ZNF2: variants seen among roughly 807,000 people sequenced by gnomAD.
ZNF2 encodes zinc finger protein 2.
ZNF2 carries 12 observed loss-of-function variants against 21.9 expected under a neutral mutation model. The observed-to-expected ratio is 0.55, with a 90% CI of 0.35 to 0.89. The LOEUF is 0.89. ZNF2 is among the 40% of genes least tolerant of loss of function. ZNF2 has a pLI of 0.01. For missense variants in ZNF2, 462 were observed against 544.2 expected (o/e 0.85, Z 1.50); for synonymous variants, 186 against 196.3 (o/e 0.95, Z 0.44).
intron 1 of ZNF2, among the ~76,000 whole-genome samples, chr2:95,170,372 C>A (rs115799061): frequency 0.03 from 4,564 of 152,182 alleles, 95 homozygotes; most frequent in Non-Finnish European, 0.049. Context: ...TAAGTTTTTG[C>A]TTTTCACGTA....
At chr2:95,174,429 C>T (rs1674375338) in intron 1 of ZNF2, among the ~76,000 whole-genome samples, 1 of 152,200 alleles carries the variant, frequency 6.6e-6, no homozygotes. Context: ...CCTCTGCCTA[C>T]CTCTTTTCCC....
Position 95,181,108 on chromosome 2 carries a change from G to A in ZNF2, c.280G>A (p.Glu94Lys). ...EWPESVSLDW[E>K]TKPEIHDASD... Reference sequence around the variant, plus strand: ...CTGTTTTCTGTTTGTTCCAGACTGGGAAACTAAGCCTGAGATTCACGATGC... The same window carrying A: ...CTGTTTTCTGTTTGTTCCAGACTGGAAAACTAAGCCTGAGATTCACGATGC... The change falls in exon 5 of 5, where the codon GAA becomes AAA. Residue 94 changes from glutamate (E) to lysine (K), a missense_variant. Physicochemically the swap from Glu to Lys is moderately conservative, Grantham distance 56 (BLOSUM62 1). Coordinates refer to ENST00000614034, the MANE Select transcript of ZNF2 (RefSeq NM_021088.4). The A allele has an allele frequency of 6.2e-7, 1 of 1,612,544 alleles. No homozygotes were observed. The highest frequency in any genetic ancestry group is 1.1e-5 in the South Asian group (1 of 90,754).
Position 95,181,129 on chromosome 2 carries a change from G to A in ZNF2, c.301G>A (p.Asp101Asn), listed in dbSNP as rs1336313432. ...LDWETKPEIH[D>N]ASDKKSEGSL... is the part of the protein sequence containing the mutation. ...CTGGGAAACTAAGCCTGAGATTCAC[G>A]ATGCTTCAGACAAAAAATCAGAAGG... is the stretch of plus-strand genomic sequence containing the variant. The change falls in exon 5 of 5, where the codon GAT (aspartate) becomes AAT (asparagine). Residue 101 changes from aspartate to asparagine, a missense_variant. Physicochemically the swap from Asp to Asn is conservative, Grantham distance 23. Coordinates refer to ENST00000614034, the MANE Select transcript of ZNF2 (RefSeq NM_021088.4). 9.3e-6 allele frequency: 15 copies of A among 1,613,846 alleles called. No individual in the cohort carries two copies. Among genetic ancestry groups the A allele is most frequent in the East Asian group, 4.5e-5 (2 of 44,882 alleles).
At chr2:95,177,759 G>A in intron 3 of ZNF2, 150 bp downstream of exon 3, 1 of 1,021,524 alleles carries the variant, frequency 9.8e-7, no homozygotes. Context: ...TCAGAGTACA[G>A]CAACGGCGGG....
intron 1 of ZNF2, 88 bp from the exon 2 acceptor site, chr2:95,176,099 CT>C: frequency 1.8e-6 from 2 of 1,140,514 alleles, no homozygotes; most frequent in Non-Finnish European, 2.7e-6. Flanking sequence ...ACATATCCCC[CT>C]GGTATGTGCT....
intron 4 of ZNF2, among the ~76,000 whole-genome samples, chr2:95,180,566 A>G (rs1199889514): frequency 6.6e-6 from 1 of 150,562 alleles, no homozygotes; most frequent in Non-Finnish European, 1.5e-5. Context: ...CTGGAGTGCA[A>G]TGGCGCTATC....
At chr2:95,179,101 C>T (rs1237914734) in intron 3 of ZNF2, among the ~76,000 whole-genome samples, 2 of 151,016 alleles carry the variant, frequency 1.3e-5, no homozygotes, top group Non-Finnish European at 2.9e-5. Flanking sequence ...AAGCAATTCT[C>T]GTGCCTCAGT....
rs1310847685 is a variant in ZNF2, at chr2:95,183,339, A to G, written c.*1233A>G. Reference sequence around the variant, plus strand: ...CACTTCTGTCCACATCTAATAAGCCAGAACCCAGCACCTAGAAGCTAGGAA... The same window carrying G: ...CACTTCTGTCCACATCTAATAAGCCGGAACCCAGCACCTAGAAGCTAGGAA... On this transcript the variant is annotated 3_prime_UTR_variant, in exon 5 of 5. Coordinates refer to ENST00000614034, the MANE Select transcript of ZNF2 (RefSeq NM_021088.4). The G allele has an allele frequency of 2.6e-5, 4 of 152,250 alleles. No individual in the cohort carries two copies. Among genetic ancestry groups the G allele is most frequent in the Admixed American group, 6.5e-5 (1 of 15,284 alleles). The allele number at this position is 152,250 out of a possible 1,614,324, so 9.4% of individuals were successfully genotyped here.
intron 1 of ZNF2, among the ~76,000 whole-genome samples, chr2:95,175,924 T>G (rs140825073): frequency 6.6e-6 from 1 of 152,210 alleles, no homozygotes; most frequent in African/African-American, 2.4e-5. Context: ...TACACAGTTC[T>G]TGACTCTCAG....
chr2:95,168,523 A>C (rs1196608120), intron 1 of ZNF2, among the ~76,000 whole-genome samples: 1 of 152,214 alleles, frequency 6.6e-6, no homozygotes, highest in African/African-American at 2.4e-5. Context: ...ACAAAGGTAA[A>C]GTCCTGGAGA....
At chr2:95,180,395 A>G (rs532801680) in intron 4 of ZNF2, 123 bp downstream of exon 4, 3 of 635,232 alleles carry the variant, frequency 4.7e-6, no homozygotes, top group Non-Finnish European at 8.2e-6. Flanking sequence ...TATTTATTGT[A>G]TATCACCCAA....
intron 3 of ZNF2, among the ~76,000 whole-genome samples, chr2:95,178,989 T>G (rs889037417): frequency 2.0e-5 from 3 of 150,706 alleles, no homozygotes; most frequent in African/African-American, 7.3e-5. Flanking sequence ...GTTTGGTTTT[T>G]TTTGTTTTTT....
At chr2:95,166,950 A>G (rs1351472594) in intron 1 of ZNF2, among the ~76,000 whole-genome samples, 1 of 152,232 alleles carries the variant, frequency 6.6e-6, no homozygotes, top group Non-Finnish European at 1.5e-5. Flanking sequence ...TTACAATACA[A>G]TTACAGGACA....
At chr2:95,179,413 C>T (rs977618910) in intron 3 of ZNF2, among the ~76,000 whole-genome samples, 1 of 152,182 alleles carries the variant, frequency 6.6e-6, no homozygotes, top group African/African-American at 2.4e-5. Context: ...TTCTAATTTT[C>T]CTAGAATGCA....
At position 95,181,907 on chromosome 2, in the gene ZNF2, A is replaced by T; in HGVS notation, c.1079A>T (p.Gln360Leu). Residue 360 changes from glutamine (Q) to leucine (L), a missense_variant, in exon 5 of 5, where the codon CAG (glutamine) becomes CTG (leucine). Physicochemically the swap from Gln to Leu is moderately radical, Grantham distance 113. Transcript: ENST00000614034. ...FFDRSSLTQH[Q>L]KIHTGDKPYE... ...GACCGCTCATCCCTTACACAGCATC[A>T]GAAGATCCACACTGGAGACAAGCCA... is the stretch of plus-strand genomic sequence containing the variant. 1 of 1,614,110 alleles carries T rather than the reference A, an allele frequency of 6.2e-7. No individual in the cohort carries two copies. The highest frequency in any genetic ancestry group is 8.5e-7 in the Non-Finnish European group (1 of 1,180,004).
In ZNF2 at chr2:95,169,480, C is replaced by T. The variant is rs552098147; in HGVS notation, c.-40+3620C>T. On this transcript the variant is annotated intron_variant, in intron 1 of 4. Transcript: ENST00000614034. ...CTAAAATAGCAGCAACTCGGCCAGG[C>T]GCAGTGGCTCATGCCTATAATCTCA... Among the ~76,000 whole-genome samples the T allele has an allele frequency of 6.6e-5, 10 of 152,246 alleles. No homozygotes were observed. The East Asian group carries it at 7.7e-4, about 12-fold the overall frequency.
At chr2:95,176,417 A>G (rs1674447481) in intron 2 of ZNF2, among the ~76,000 whole-genome samples, 158 bp downstream of exon 2, 1 of 152,202 alleles carries the variant, frequency 6.6e-6, no homozygotes, top group Non-Finnish European at 1.5e-5. Flanking sequence ...GGTATCCTTT[A>G]GTGACCTTTT....
intron 1 of ZNF2, among the ~76,000 whole-genome samples, chr2:95,171,060 A>G (rs1428423412): frequency 1.3e-5 from 2 of 152,224 alleles, no homozygotes; most frequent in East Asian, 1.9e-4. Flanking sequence ...GGCATATTTT[A>G]TATTAACTTT....
Position 95,180,227 on chromosome 2 carries a change from C to T in ZNF2, c.229C>T (p.Leu77Phe). Residue 77 changes from leucine to phenylalanine, a missense_variant, in exon 4 of 5, where the codon CTT (leucine) becomes TTT (phenylalanine). Transcript: ENST00000614034. ...AGGGGACAAGCCGTGGATGGTAGAT[C>T]TTCATGGGTCTGAGGAGAGAGAATG... The part of the protein sequence containing the change: ...KRGDKPWMVD[L>F]HGSEEREWPE... 6.2e-7 allele frequency: 1 copy of T among 1,614,074 alleles called. No homozygotes were observed. Among genetic ancestry groups the T allele is most frequent in the Non-Finnish European group, 8.5e-7 (1 of 1,179,976 alleles).
Sources: gnomAD v4.1 joint callset for allele counts (sites outside exome capture counted in the v4.1 genomes callset) on GRCh38, gnomAD v4.1.1 for gene constraint, MANE v1.5 for transcripts, NCBI Gene and HGNC (gene_info 2026-07-23, HGNC 2026-07-21) for gene names.